Variants in ATG10 observed in about 807,000 individuals in gnomAD.
The protein encoded by ATG10 is autophagy related 10.
Under a neutral mutation model 32.1 loss-of-function variants are expected in ATG10, and 30 were observed. The observed-to-expected ratio is 0.94, with a 90% CI of 0.70 to 1.27. ATG10 has a LOEUF of 1.27. Among genes scored for constraint, ATG10 ranks in the 50% most tolerant of loss-of-function variants. The pLI is 0.00. For synonymous variants in ATG10, 87 were observed against 91.5 expected (o/e 0.95, Z 0.28); for missense variants, 233 against 262.3 (o/e 0.89, Z 0.77).
chr5:82,011,856 A>G (rs574947892), intron 2 of ATG10, among the ~76,000 whole-genome samples: 21 of 152,294 alleles, frequency 1.4e-4, no homozygotes, highest in Non-Finnish European at 2.5e-4. Flanking sequence ...ATGTGAGTGG[A>G]AGGCTGCCAG....
intron 3 of ATG10, among the ~76,000 whole-genome samples, chr5:82,145,570 A>G (rs1374777932): frequency 2.0e-5 from 3 of 152,164 alleles, no homozygotes; most frequent in Non-Finnish European, 1.5e-5. Context: ...AATAGTTGTC[A>G]TATGTATTAT....
intron 1 of ATG10, among the ~76,000 whole-genome samples, chr5:81,973,547 TAATA>T (rs1760788302): frequency 1.3e-5 from 2 of 152,360 alleles, no homozygotes; most frequent in Admixed American, 6.5e-5. Flanking sequence ...ATTGTGAGTT[TAATA>T]AATCTTTGTC....
At chr5:82,012,462 T>G (rs2149696013) in intron 2 of ATG10, among the ~76,000 whole-genome samples, 1 of 152,310 alleles carries the variant, frequency 6.6e-6, no homozygotes, top group Non-Finnish European at 1.5e-5. Context: ...CCATAATAAC[T>G]ACATATTTTT....
chr5:82,026,677 T>C (rs577330537), intron 2 of ATG10, among the ~76,000 whole-genome samples: 1 of 152,322 alleles, frequency 6.6e-6, no homozygotes, highest in East Asian at 1.9e-4. Context: ...TTTTTGGGAA[T>C]TAAAAAATAC....
At chr5:82,241,787 T>C (rs1746812522) in intron 5 of ATG10, among the ~76,000 whole-genome samples, 2 of 151,758 alleles carry the variant, frequency 1.3e-5, no homozygotes, top group African/African-American at 4.8e-5. Flanking sequence ...AAATTTTTTT[T>C]CTCTCTCCTC....
intron 3 of ATG10, among the ~76,000 whole-genome samples, chr5:82,137,343 G>T (rs114566117): frequency 1.3e-5 from 2 of 152,124 alleles, no homozygotes; most frequent in Admixed American, 1.3e-4. Flanking sequence ...CCTCATGTTC[G>T]TGGATTTATC....
At chr5:81,977,563 C>T (rs1270781896) in intron 1 of ATG10, among the ~76,000 whole-genome samples, 2 of 152,244 alleles carry the variant, frequency 1.3e-5, no homozygotes, top group Non-Finnish European at 2.9e-5. Flanking sequence ...TACTCTTCTC[C>T]ACCCGAGCTA....
At chr5:82,198,620 A>C (rs547510963) in intron 5 of ATG10, among the ~76,000 whole-genome samples, 8 of 152,312 alleles carry the variant, frequency 5.3e-5, no homozygotes, top group Non-Finnish European at 7.3e-5. Context: ...CTCAGCCCCC[A>C]AAAACAGAGA....
intron 5 of ATG10, among the ~76,000 whole-genome samples, chr5:82,245,877 G>A (rs1376803173): frequency 6.6e-6 from 1 of 152,044 alleles, no homozygotes. Context: ...AGAAAGCATT[G>A]AGTGTTGAAG....
chr5:82,185,298 T>C (rs973215799), intron 5 of ATG10, among the ~76,000 whole-genome samples: 2 of 152,230 alleles, frequency 1.3e-5, no homozygotes, highest in African/African-American at 4.8e-5. Flanking sequence ...ACCAAAACTT[T>C]GGAGGTTCTT....
At chr5:82,223,589 GAC>G (rs1225281669) in intron 5 of ATG10, among the ~76,000 whole-genome samples, 1 of 152,136 alleles carries the variant, frequency 6.6e-6, no homozygotes, top group Non-Finnish European at 1.5e-5. Flanking sequence ...CACTATGAGA[GAC>G]AGCATTGTTC....
intron 1 of ATG10, among the ~76,000 whole-genome samples, chr5:81,979,833 A>T (rs1376884597): frequency 1.0e-5 from 1 of 98,586 alleles, no homozygotes; most frequent in Non-Finnish European, 1.9e-5. Flanking sequence ...ATTTATAGGT[A>T]AATATTTTAA....
intron 3 of ATG10, among the ~76,000 whole-genome samples, chr5:82,077,846 T>A (rs1317113567): frequency 1.3e-5 from 2 of 152,244 alleles, no homozygotes; most frequent in Non-Finnish European, 2.9e-5. Flanking sequence ...TTCTTTATAC[T>A]TCATAGATTT....
chr5:82,067,322 A>G (rs1322799885), intron 3 of ATG10, among the ~76,000 whole-genome samples: 2 of 152,220 alleles, frequency 1.3e-5, no homozygotes, highest in Admixed American at 6.5e-5. Context: ...ATTGCACTAA[A>G]TATACTATTT....
At chr5:82,172,496 A>G (rs551333102) in intron 4 of ATG10, among the ~76,000 whole-genome samples, 3 of 152,314 alleles carry the variant, frequency 2.0e-5, no homozygotes, top group Non-Finnish European at 2.9e-5. Flanking sequence ...GTGCCTTTCA[A>G]TCATGCTAGC....
intron 5 of ATG10, among the ~76,000 whole-genome samples, chr5:82,204,503 T>TA (rs1180260362): frequency 6.6e-6 from 1 of 152,216 alleles, no homozygotes. Context: ...TCTTGAATCT[T>TA]ACAATTTAAT....
intron 2 of ATG10, among the ~76,000 whole-genome samples, chr5:81,999,882 A>G (rs1222425386): frequency 6.6e-6 from 1 of 152,256 alleles, no homozygotes; most frequent in Admixed American, 6.5e-5. Context: ...TGAATCAGTA[A>G]TAAAAAGTTT....
At chr5:82,001,879 A>G (rs139681397) in intron 2 of ATG10, among the ~76,000 whole-genome samples, 1,685 of 152,318 alleles carry the variant, frequency 0.011, 17 homozygotes, top group Middle Eastern at 0.031. Context: ...ATGTTTGCAA[A>G]CTATGCATCT....
chr5:81,982,814 C>T (rs1405408817), intron 1 of ATG10, among the ~76,000 whole-genome samples: 1 of 152,214 alleles, frequency 6.6e-6, no homozygotes, highest in East Asian at 1.9e-4. Flanking sequence ...GCACATCTTG[C>T]ACCGCCCTTA....
Sources: gnomAD v4.1 joint callset for allele counts (sites outside exome capture counted in the v4.1 genomes callset) on GRCh38, gnomAD v4.1.1 for gene constraint, MANE v1.5 for transcripts, NCBI Gene and HGNC (gene_info 2026-07-23, HGNC 2026-07-21) for gene names.